The following TNRC6B variants were observed in gnomAD, a reference collection of about 807,000 sequenced individuals.
The protein encoded by TNRC6B is trinucleotide repeat containing adaptor 6B, also known as trinucleotide repeat-containing gene 6B protein.
A neutral mutation model predicts 203.6 loss-of-function variants in TNRC6B; 52 were observed. The ratio of observed to expected loss-of-function variants is 0.26; its 90% confidence interval spans 0.20 to 0.32. TNRC6B has a LOEUF of 0.32. Ranked by LOEUF, TNRC6B falls within the 10% of genes least tolerant of loss-of-function variation. TNRC6B has a pLI of 1.00. For synonymous variants in TNRC6B, 838 were observed against 845.7 expected (o/e 0.99, Z 0.16); for missense variants, 1,923 against 2,286.2 (o/e 0.84, Z 3.24).
chr22:40,050,278 A>G (rs2067734000), intron 1 of TNRC6B, among the ~76,000 whole-genome samples: 1 of 152,024 alleles, frequency 6.6e-6, no homozygotes, highest in Non-Finnish European at 1.5e-5. Flanking sequence ...ATGACTTCCC[A>G]TTGCACTCAG....
chr22:40,283,557 A>T (rs1375673702), intron 11 of TNRC6B, among the ~76,000 whole-genome samples: 1 of 152,178 alleles, frequency 6.6e-6, no homozygotes, highest in Non-Finnish European at 1.5e-5. Context: ...AAATAGCTAT[A>T]TTGGGGCCAA....
At chr22:40,135,962 C>G (rs1359384030) in intron 3 of TNRC6B, among the ~76,000 whole-genome samples, 3 of 152,208 alleles carry the variant, frequency 2.0e-5, no homozygotes, top group Non-Finnish European at 4.4e-5. Context: ...AATAGGCCTA[C>G]TTCAGCCTGT....
intron 1 of TNRC6B, among the ~76,000 whole-genome samples, chr22:40,214,078 C>T (rs1455680201): frequency 2.6e-5 from 4 of 152,024 alleles, no homozygotes; most frequent in Admixed American, 2.6e-4. Flanking sequence ...CCAGCCTGGC[C>T]AACATGGTGA....
At position 40,246,216 on chromosome 22, in the gene TNRC6B, G is replaced by C. The variant is rs748699798; in HGVS notation, c.93+114G>C. On this transcript the variant is annotated intron_variant, in intron 2 of 22. Transcript: ENST00000454349. Reference sequence around the variant, plus strand: ...CTTTTATTTTTTTTCCTGAGATGGAGTCTTGCTCTGTCACCTAGGCTGGAG... The same window carrying C: ...CTTTTATTTTTTTTCCTGAGATGGACTCTTGCTCTGTCACCTAGGCTGGAG... 5.0e-4 allele frequency: 377 copies of C among 760,704 alleles called. 1 individual carries two copies. The highest frequency in any genetic ancestry group is 1.8e-3 in the South Asian group (93 of 52,262). The allele number at this position is 760,704 out of a possible 1,614,324, so 47.1% of individuals were successfully genotyped here. A position where few individuals can be genotyped will look rare whatever the true frequency, so the allele number is the denominator to read the frequency against.
At chr22:40,102,007 A>G (rs572893776) in intron 1 of TNRC6B, among the ~76,000 whole-genome samples, 1 of 152,322 alleles carries the variant, frequency 6.6e-6, no homozygotes, top group Admixed American at 6.5e-5. Context: ...CAGTTCAGCA[A>G]ACTAGTTTGG....
In TNRC6B at chr22:40,273,451, G is replaced by C. The variant is rs1479394033; in HGVS notation, c.2992G>C (p.Gly998Arg). ...TTCCAAATCTATGCAAGACGGCTGG[G>C]GGGAGAGTGACGGGCCAGTCACAGG... is the stretch of plus-strand genomic sequence containing the variant. ...PNSKSMQDGW[G>R]ESDGPVTGAR... The change falls in exon 7 of 23, where the codon GGG becomes CGG. Residue 998 changes from glycine to arginine, a missense_variant. Around this residue, in one of 8 missense-constraint regions of TNRC6B, gnomAD observed 599 missense variants for 656.5 expected, o/e 0.91. Transcript: ENST00000454349. 3 of 1,610,230 alleles carry C rather than the reference G, an allele frequency of 1.9e-6. No homozygotes were observed. The highest frequency in any genetic ancestry group is 8.5e-7 in the Non-Finnish European group (1 of 1,178,314).
chr22:40,317,990 A>G (rs2071282142), intron 21 of TNRC6B, among the ~76,000 whole-genome samples: 1 of 152,252 alleles, frequency 6.6e-6, no homozygotes, highest in Non-Finnish European at 1.5e-5. Context: ...CTGGCCTAAT[A>G]TGTTTGACAT....
intron 1 of TNRC6B, among the ~76,000 whole-genome samples, chr22:40,055,018 C>A (rs140644315): frequency 1.3e-5 from 2 of 152,218 alleles, no homozygotes; most frequent in African/African-American, 4.8e-5. Flanking sequence ...GCCTGGGTGA[C>A]AGAACAAGAC....
At chr22:40,132,489 CGAGGCG>C (rs141001758) in intron 3 of TNRC6B, among the ~76,000 whole-genome samples, 33,639 of 147,992 alleles carry the variant, frequency 0.23, 4,076 homozygotes, top group Admixed American at 0.34. Context: ...TCAATAAAGG[CGAGGCG>C]AGGGCGAGGG....
At chr22:40,122,439 A>G (rs2068454646) in intron 2 of TNRC6B, among the ~76,000 whole-genome samples, 1 of 152,136 alleles carries the variant, frequency 6.6e-6, no homozygotes, top group Non-Finnish European at 1.5e-5. Flanking sequence ...ATAATAACAC[A>G]GACTGACCTA....
At chr22:40,063,808 TCTTTCTG>T (rs1240637884) in intron 1 of TNRC6B, among the ~76,000 whole-genome samples, 2 of 152,178 alleles carry the variant, frequency 1.3e-5, no homozygotes. Context: ...GCTCAAGTGA[TCTTTCTG>T]CTTCAACCTC....
At chr22:40,074,800 T>G (rs1569251488) in intron 1 of TNRC6B, among the ~76,000 whole-genome samples, 1 of 150,096 alleles carries the variant, frequency 6.7e-6, no homozygotes. Flanking sequence ...TAAAATAAAA[T>G]AAAGAAAATT....
intron 1 of TNRC6B, among the ~76,000 whole-genome samples, chr22:40,234,097 G>A (rs2069916445): frequency 6.6e-6 from 1 of 152,128 alleles, no homozygotes; most frequent in South Asian, 2.1e-4. Context: ...ACTAGCCTGG[G>A]CAACATAGCA....
chr22:40,160,910 A>T (rs1225762413), intron 4 of TNRC6B, among the ~76,000 whole-genome samples: 1 of 152,114 alleles, frequency 6.6e-6, no homozygotes, highest in Non-Finnish European at 1.5e-5. Flanking sequence ...TAATGAGTTG[A>T]AATATCTTTT....
chr22:40,140,476 A>G (rs1752493972), intron 3 of TNRC6B, among the ~76,000 whole-genome samples: 1 of 152,202 alleles, frequency 6.6e-6, no homozygotes, highest in Admixed American at 6.6e-5. Context: ...AAAGTGGAAG[A>G]AACATATTGA....
At chr22:40,186,704 C>G (rs1346289558) in intron 1 of TNRC6B, among the ~76,000 whole-genome samples, 1 of 149,500 alleles carries the variant, frequency 6.7e-6, no homozygotes, top group African/African-American at 2.5e-5. Context: ...CGCCACTGAA[C>G]TCCAGCCTGG....
chr22:40,112,974 G>T (rs903599536), intron 1 of TNRC6B, among the ~76,000 whole-genome samples: 2 of 152,108 alleles, frequency 1.3e-5, no homozygotes, highest in Non-Finnish European at 2.9e-5. Flanking sequence ...AGGCATGGTG[G>T]CACACACCTG....
chr22:40,123,283 C>T (rs992127722), intron 2 of TNRC6B, among the ~76,000 whole-genome samples: 2 of 151,812 alleles, frequency 1.3e-5, no homozygotes, highest in East Asian at 3.9e-4. Flanking sequence ...GAGGAGGAGT[C>T]GGTAACGGGA....
intron 2 of TNRC6B, among the ~76,000 whole-genome samples, chr22:40,124,872 G>T (rs1281601788): frequency 6.6e-6 from 1 of 152,006 alleles, no homozygotes; most frequent in African/African-American, 2.4e-5. Flanking sequence ...AATCGGCCGG[G>T]TGTGGTGGCA....
Sources: gnomAD v4.1 joint callset for allele counts (sites outside exome capture counted in the v4.1 genomes callset) on GRCh38, gnomAD v4.1.1 for gene constraint, gnomAD v4.1.1 regional missense constraint, MANE v1.5 for transcripts, NCBI Gene and HGNC (gene_info 2026-07-23, HGNC 2026-07-21) for gene names.